Variants in PTGER3 observed in about 807,000 individuals in gnomAD.
PTGER3 encodes the protein prostaglandin E2 receptor EP3 subtype.
PTGER3 carries 22 observed loss-of-function variants against 34.7 expected under a neutral mutation model. The ratio of observed to expected loss-of-function variants is 0.63; its 90% CI spans 0.45 to 0.91. The LOEUF is 0.91. PTGER3 is among the 40% of genes least tolerant of loss of function. PTGER3 has a pLI of 0.00. For missense variants in PTGER3, 468 were observed against 519.4 expected (o/e 0.90, Z 0.96); for synonymous variants, 241 against 230.1 (o/e 1.05, Z -0.43).
intron 1 of PTGER3, among the ~76,000 whole-genome samples, chr1:71,042,813 C>A (rs1660433296): frequency 6.6e-6 from 1 of 152,158 alleles, no homozygotes; most frequent in Non-Finnish European, 1.5e-5. Context: ...TGTGAAATAT[C>A]TTCTTGAACT....
chr1:71,014,189 C>T (rs1657690311), intron 1 of PTGER3, among the ~76,000 whole-genome samples: 1 of 151,998 alleles, frequency 6.6e-6, no homozygotes. Context: ...TCTCTTGAGG[C>T]TTACACTTAT....
intron 4 of PTGER3, among the ~76,000 whole-genome samples, chr1:70,855,454 G>C (rs1645780741): frequency 6.6e-6 from 1 of 152,092 alleles, no homozygotes; most frequent in Non-Finnish European, 1.5e-5. Context: ...TGGTCAAGAT[G>C]CTAATTTTTA....
chr1:70,856,024 T>C (rs1212113192), intron 4 of PTGER3, among the ~76,000 whole-genome samples: 1 of 152,092 alleles, frequency 6.6e-6, no homozygotes, highest in Non-Finnish European at 1.5e-5. Context: ...ATGGCCTGGA[T>C]GTTTCATAGC....
Position 71,012,282 on chromosome 1 carries a change from C to T in PTGER3, c.1077+23G>A, listed in dbSNP as rs759294271. ...CTGCCCTTTCTGTCCATCATTAGAG[C>T]AGCTGGAGACAGCATTTGCTACCTG... On this transcript the variant is annotated intron_variant, in intron 2 of 3. Coordinates refer to ENST00000306666, the MANE Select transcript of PTGER3 (RefSeq NM_198719.2). 5 of 1,614,104 alleles carry T rather than the reference C, an allele frequency of 3.1e-6. No individual in the cohort carries two copies. In the East Asian group the frequency reaches 1.1e-4, roughly 36 times the overall value.
At chr1:71,030,838 T>G (rs1292974640) in intron 1 of PTGER3, among the ~76,000 whole-genome samples, 1 of 150,828 alleles carries the variant, frequency 6.6e-6, no homozygotes, top group Non-Finnish European at 1.5e-5. Context: ...TTTCAGTGAT[T>G]TTTTTTTTAC....
chr1:71,043,933 C>T lies in PTGER3; in HGVS notation c.897+2748G>A, dbSNP rs141684018. ...CCTAGCCTAAGTAATTCTCCTGCAT[C>T]AGCCTCCCGAGTAACTGAGATTACA... On this transcript the variant is annotated intron_variant, in intron 1 of 3. Transcript: ENST00000306666. Among the ~76,000 whole-genome samples, 1,039 of 151,294 alleles carry T rather than the reference C, an allele frequency of 6.9e-3. 15 individuals carry two copies. The highest frequency in any genetic ancestry group is 0.024 in the African/African-American group (1,002 of 41,350).
chr1:70,968,618 A>T (rs558631547), downstream of PTGER3, among the ~76,000 whole-genome samples: 1 of 152,018 alleles, frequency 6.6e-6, no homozygotes, highest in Admixed American at 6.6e-5. Context: ...TTTGTACACA[A>T]TGGATACATT....
downstream of PTGER3, among the ~76,000 whole-genome samples, chr1:70,948,519 A>G (rs998162304): frequency 6.6e-6 from 1 of 152,138 alleles, no homozygotes; most frequent in African/African-American, 2.4e-5. Flanking sequence ...CAGGCTGTGA[A>G]CTAACTAATA....
chr1:71,023,455 T>C (rs1479281304), intron 1 of PTGER3, among the ~76,000 whole-genome samples: 2 of 151,894 alleles, frequency 1.3e-5, no homozygotes, highest in South Asian at 2.1e-4. Context: ...CTTCTTACTG[T>C]GAATAAACTG....
chr1:70,987,061 GTAT>G, intron 2 of PTGER3, among the ~76,000 whole-genome samples: 1 of 152,248 alleles, frequency 6.6e-6, no homozygotes. Context: ...GTTGTACACT[GTAT>G]AATTTTCACC....
intron 4 of PTGER3, among the ~76,000 whole-genome samples, chr1:70,907,291 A>G (rs1018179396): frequency 6.6e-6 from 1 of 152,220 alleles, no homozygotes; most frequent in Non-Finnish European, 1.5e-5. Flanking sequence ...AAGGGCATAC[A>G]CTAGCTTATG....
intron 1 of PTGER3, among the ~76,000 whole-genome samples, chr1:71,036,977 C>T (rs1373449887): frequency 8.0e-6 from 1 of 125,314 alleles, no homozygotes; most frequent in Non-Finnish European, 1.7e-5. Context: ...TCCATGTACT[C>T]ACTCTGGCAG....
downstream of PTGER3, among the ~76,000 whole-genome samples, chr1:70,970,197 T>G (rs1269986102): frequency 6.6e-6 from 1 of 152,194 alleles, no homozygotes; most frequent in African/African-American, 2.4e-5. Context: ...AAAAATCGGT[T>G]AAGCCCTTTA....
chr1:70,917,403 T>TTGTGTGTGTGTGTGTG (rs59163586), intron 4 of PTGER3, among the ~76,000 whole-genome samples: 4,373 of 136,194 alleles, frequency 0.032, 130 homozygotes, highest in East Asian at 0.1. Flanking sequence ...GTATTTTATT[T>TTGTGTGTGTGTGTGTG]TGTGTGTGTG....
chr1:71,009,975 C>T (rs746376557), intron 2 of PTGER3: 77 of 984,968 alleles, frequency 7.8e-5, no homozygotes, highest in Admixed American at 1.2e-4. Context: ...CTAACGAATG[C>T]CTAGATAATA....
chr1:70,858,922 C>A (rs1216803084), intron 4 of PTGER3, among the ~76,000 whole-genome samples: 1 of 152,134 alleles, frequency 6.6e-6, no homozygotes, highest in African/African-American at 2.4e-5. Context: ...GAAGTTTAAA[C>A]ATTATTAGTT....
intron 4 of PTGER3, among the ~76,000 whole-genome samples, chr1:70,887,427 C>G (rs1188813760): frequency 1.3e-5 from 2 of 152,294 alleles, no homozygotes; most frequent in East Asian, 1.9e-4. Context: ...CTTCTTTCAA[C>G]CCAAATGTGT....
At chr1:70,907,399 G>A (rs146814275) in intron 4 of PTGER3, among the ~76,000 whole-genome samples, 1 of 152,240 alleles carries the variant, frequency 6.6e-6, no homozygotes, top group Non-Finnish European at 1.5e-5. Context: ...CAGAGAAAAA[G>A]AATGGACAAG....
At chr1:70,945,934 G>T (rs1401116457) in intron 4 of PTGER3, among the ~76,000 whole-genome samples, 1 of 152,152 alleles carries the variant, frequency 6.6e-6, no homozygotes, top group African/African-American at 2.4e-5. Context: ...AGGTGGATTT[G>T]GTATTGCAAA....
Sources: allele counts gnomAD v4.1 joint callset (sites outside exome capture counted in the v4.1 genomes callset), GRCh38; gene constraint gnomAD v4.1.1; transcripts MANE v1.5; gene names NCBI Gene and HGNC (gene_info 2026-07-23, HGNC 2026-07-21).